FHIT: variants seen among roughly 807,000 people sequenced by gnomAD.
The protein encoded by FHIT is bis(5'-adenosyl)-triphosphatase.
In FHIT, 19 loss-of-function variants were observed where a neutral mutation model predicts 17.9. That is an observed-to-expected ratio of 1.06 (90% CI 0.74 to 1.56). The LOEUF is 1.56. Ranked by LOEUF, FHIT falls within the 40% of genes most tolerant of loss-of-function variation. FHIT has a pLI of 0.00. For missense variants in FHIT, 248 were observed against 189.2 expected (o/e 1.31, Z -1.82); for synonymous variants, 81 against 69.7 (o/e 1.16, Z -0.81).
rs114912067 is a variant in FHIT at position 60,019,233 on chromosome 3, A to G, written c.104-5081T>C. ...CATTCTATCGGTCAAAGAAAATCACAAGCCAACCCAGATTCAAGGTAGAGA... is the reference window on the plus strand; with the variant it reads ...CATTCTATCGGTCAAAGAAAATCACGAGCCAACCCAGATTCAAGGTAGAGA... On this transcript the variant is annotated intron_variant, in intron 5 of 9. Transcript: ENST00000492590. 2.5e-3 allele frequency among the ~76,000 whole-genome samples: 388 copies of G among 152,254 alleles called. 2 individuals carry two copies. The highest frequency in any genetic ancestry group is 8.8e-3 in the African/African-American group (364 of 41,546).
chr3:60,044,563 G>C (rs1172411279), intron 5 of FHIT, among the ~76,000 whole-genome samples: 1 of 151,398 alleles, frequency 6.6e-6, no homozygotes, highest in Non-Finnish European at 1.5e-5. Flanking sequence ...GAAGGAAGAG[G>C]AGGAGAAAGA....
intron 2 of FHIT, among the ~76,000 whole-genome samples, chr3:61,173,034 G>C (rs1347334888): frequency 6.6e-6 from 1 of 152,178 alleles, no homozygotes; most frequent in African/African-American, 2.4e-5. Context: ...CTACCATGGA[G>C]GAGACAGGGC....
intron 4 of FHIT, among the ~76,000 whole-genome samples, chr3:60,618,692 GTGAT>G (rs2039025968): frequency 6.6e-6 from 1 of 152,172 alleles, no homozygotes; most frequent in Non-Finnish European, 1.5e-5. Context: ...TTTTGCAAAT[GTGAT>G]TAAGTTGAAA....
intron 4 of FHIT, among the ~76,000 whole-genome samples, chr3:60,772,760 G>A (rs2108077552): frequency 6.6e-6 from 1 of 152,222 alleles, no homozygotes; most frequent in Admixed American, 6.5e-5. Flanking sequence ...TACTCCTGCA[G>A]GCAACATCAC....
intron 5 of FHIT, among the ~76,000 whole-genome samples, chr3:60,147,275 C>T (rs1299846418): frequency 4.6e-5 from 7 of 152,142 alleles, no homozygotes; most frequent in Non-Finnish European, 1.0e-4. Flanking sequence ...TTGCAGAAAC[C>T]ATCTCACCTA....
intron 2 of FHIT, among the ~76,000 whole-genome samples, chr3:61,197,935 C>T (rs2038900830): frequency 6.6e-6 from 1 of 152,052 alleles, no homozygotes. Context: ...GTACCAAACA[C>T]AGGAGTACTG....
chr3:60,889,559 T>C (rs9754605), intron 3 of FHIT, among the ~76,000 whole-genome samples: 42,100 of 152,112 alleles, frequency 0.28, 7,100 homozygotes, highest in African/African-American at 0.47. Context: ...AACATTCTTC[T>C]AGTTCATTCC....
chr3:59,979,789 T>C (rs557572406), intron 7 of FHIT, among the ~76,000 whole-genome samples: 1 of 152,118 alleles, frequency 6.6e-6, no homozygotes, highest in Admixed American at 6.5e-5. Context: ...AGTACATGTT[T>C]TCGAAAAGAA....
intron 8 of FHIT, among the ~76,000 whole-genome samples, chr3:59,904,104 C>A: frequency 6.8e-6 from 1 of 147,898 alleles, no homozygotes. Context: ...CCCCGGACAG[C>A]CAGTTGTTCT....
chr3:60,158,015 G>A (rs1046368175), intron 5 of FHIT, among the ~76,000 whole-genome samples: 3 of 152,186 alleles, frequency 2.0e-5, no homozygotes, highest in Admixed American at 6.5e-5. Flanking sequence ...AGAAGCATGA[G>A]CAAAGTTCTC....
In FHIT at chr3:59,915,239, C is replaced by T. The variant is rs115646729; in HGVS notation, c.348+7107G>A. 5.9e-3 allele frequency among the ~76,000 whole-genome samples: 903 copies of T among 152,262 alleles called. 7 individuals are homozygous for T. Among genetic ancestry groups the T allele is most frequent in the South Asian group, 0.017 (83 of 4,818 alleles). ...AATTCACTGTGGAGGGCAGATAGGACTCTGCACAAGAAAGCCTGATTCGTG... is the reference window on the plus strand; with the variant it reads ...AATTCACTGTGGAGGGCAGATAGGATTCTGCACAAGAAAGCCTGATTCGTG... On this transcript the variant is annotated intron_variant, in intron 8 of 9. Transcript: ENST00000492590.
intron 5 of FHIT, among the ~76,000 whole-genome samples, chr3:60,314,466 C>T (rs990453129): frequency 6.6e-6 from 1 of 152,028 alleles, no homozygotes; most frequent in Non-Finnish European, 1.5e-5. Context: ...AAGAAAAAAT[C>T]ATAATTTTTC....
At chr3:60,221,721 C>G (rs1418367349) in intron 5 of FHIT, among the ~76,000 whole-genome samples, 1 of 152,084 alleles carries the variant, frequency 6.6e-6, no homozygotes, top group African/African-American at 2.4e-5. Context: ...TTCATGGACC[C>G]TCAGCCTGGA....
chr3:60,374,169 A>G (rs968413925), intron 5 of FHIT, among the ~76,000 whole-genome samples: 1 of 152,308 alleles, frequency 6.6e-6, no homozygotes, highest in South Asian at 2.1e-4. Context: ...AAATATTTCT[A>G]TCAATCTCAA....
At chr3:60,706,672 G>C (rs1331868632) in intron 4 of FHIT, among the ~76,000 whole-genome samples, 1 of 152,106 alleles carries the variant, frequency 6.6e-6, no homozygotes, top group African/African-American at 2.4e-5. Flanking sequence ...CAAAAAGGAA[G>C]AAAAAATATT....
intron 4 of FHIT, among the ~76,000 whole-genome samples, chr3:60,779,043 G>T (rs531333128): frequency 6.6e-6 from 1 of 152,164 alleles, no homozygotes; most frequent in African/African-American, 2.4e-5. Flanking sequence ...GCTTTAAAAG[G>T]TCTTATCTGT....
intron 8 of FHIT, among the ~76,000 whole-genome samples, chr3:59,790,543 T>C (rs2106926013): frequency 6.6e-6 from 1 of 152,142 alleles, no homozygotes; most frequent in East Asian, 1.9e-4. Context: ...TGTGTGTGTG[T>C]ATAAATCATC....
In FHIT at chr3:60,117,577, T is replaced by G. The variant is rs546710891; in HGVS notation, c.104-103425A>C. On this transcript the variant is annotated intron_variant, in intron 5 of 9. Coordinates refer to ENST00000492590, the MANE Select transcript of FHIT (RefSeq NM_002012.4). ...TTATGTTCTTAAGAATTTAGGAGCTTGCTATGGTTAATTGGGAAAAATGTG... is the reference window on the plus strand; with the variant it reads ...TTATGTTCTTAAGAATTTAGGAGCTGGCTATGGTTAATTGGGAAAAATGTG... Among the ~76,000 whole-genome samples, 4 of 151,768 alleles carry G rather than the reference T, an allele frequency of 2.6e-5. No homozygotes were observed. In the South Asian group the frequency reaches 8.3e-4, roughly 32 times the overall value.
chr3:59,821,997 T>C (rs1700810524), intron 8 of FHIT, among the ~76,000 whole-genome samples: 1 of 152,200 alleles, frequency 6.6e-6, no homozygotes, highest in Non-Finnish European at 1.5e-5. Flanking sequence ...ATTATTCTTA[T>C]GCCTTTGCAT....
Sources: gnomAD v4.1 joint callset for allele counts (sites outside exome capture counted in the v4.1 genomes callset) on GRCh38, gnomAD v4.1.1 for gene constraint, MANE v1.5 for transcripts, NCBI Gene and HGNC (gene_info 2026-07-23, HGNC 2026-07-21) for gene names.